The following LRRTM3 variants were observed in gnomAD, a reference collection of about 807,000 sequenced individuals.
The protein encoded by LRRTM3 is leucine-rich repeat transmembrane neuronal protein 3.
Under a neutral mutation model 44.7 loss-of-function variants are expected in LRRTM3, and 24 were observed. The observed-to-expected ratio is 0.54, with a 90% CI of 0.39 to 0.76. LRRTM3 has a LOEUF of 0.76. Ranked by LOEUF, LRRTM3 falls within the 30% of genes least tolerant of loss-of-function variation. The probability of loss-of-function intolerance (pLI) is 0.00; values close to 1 mark genes in which losing one functional copy is unlikely to be tolerated. For missense variants in LRRTM3, 587 were observed against 702.2 expected (o/e 0.84, Z 1.85); for synonymous variants, 277 against 278.7 (o/e 0.99, Z 0.06).
At chr10:66,990,347 C>T (rs1323391843) in intron 2 of LRRTM3, among the ~76,000 whole-genome samples, 1 of 152,156 alleles carries the variant, frequency 6.6e-6, no homozygotes, top group Non-Finnish European at 1.5e-5. Flanking sequence ...AGTTCTTCTC[C>T]TCTATGCTGA....
intron 2 of LRRTM3, among the ~76,000 whole-genome samples, chr10:67,025,039 AG>A (rs1442530764): frequency 6.6e-5 from 10 of 151,030 alleles, no homozygotes; most frequent in Non-Finnish European, 7.4e-5. Flanking sequence ...CTGAGGCAGG[AG>A]AATCACTTGA....
chr10:66,943,566 C>T (rs1005134876), intron 2 of LRRTM3, among the ~76,000 whole-genome samples: 5 of 151,034 alleles, frequency 3.3e-5, no homozygotes, highest in Non-Finnish European at 7.4e-5. Flanking sequence ...TAACACTAAG[C>T]ACAGCCTTAA....
intron 2 of LRRTM3, among the ~76,000 whole-genome samples, chr10:66,940,313 G>C (rs1235782912): frequency 6.6e-6 from 1 of 151,966 alleles, no homozygotes; most frequent in East Asian, 1.9e-4. Flanking sequence ...TGGAAACATA[G>C]CAAGGCCTCA....
intron 2 of LRRTM3, among the ~76,000 whole-genome samples, chr10:67,078,516 T>A (rs1012684347): frequency 2.0e-5 from 3 of 151,596 alleles, no homozygotes; most frequent in South Asian, 4.2e-4. Flanking sequence ...TGATACCTTT[T>A]TTATTATTAT....
Position 67,063,498 on chromosome 10 carries a change from G to A in LRRTM3, c.1537-34089G>A, listed in dbSNP as rs145420893. ...GTCAAGAGTTCACTCCAGCTGGCAC[G>A]AACAGGCAGGTAATAGAGGACCTAC... On this transcript the variant is annotated intron_variant, in intron 2 of 2. Coordinates refer to ENST00000361320, the MANE Select transcript of LRRTM3 (RefSeq NM_178011.5). Among the ~76,000 whole-genome samples the A allele has an allele frequency of 7.5e-3, 1,136 of 152,306 alleles. 15 individuals are homozygous for A. Among genetic ancestry groups the A allele is most frequent in the African/African-American group, 0.021 (858 of 41,552 alleles).
At chr10:66,967,860 T>A in intron 2 of LRRTM3, among the ~76,000 whole-genome samples, 1 of 152,094 alleles carries the variant, frequency 6.6e-6, no homozygotes, top group East Asian at 1.9e-4. Flanking sequence ...AATGAGTAGT[T>A]AATAGGTTCT....
intron 2 of LRRTM3, among the ~76,000 whole-genome samples, chr10:67,072,683 T>C (rs1000974532): frequency 1.3e-5 from 2 of 152,196 alleles, no homozygotes; most frequent in Non-Finnish European, 2.9e-5. Flanking sequence ...GAAAGCCTGG[T>C]ATATCTTTAT....
intron 2 of LRRTM3, among the ~76,000 whole-genome samples, chr10:67,087,083 T>C (rs1417117332): frequency 6.6e-6 from 1 of 152,064 alleles, no homozygotes; most frequent in African/African-American, 2.4e-5. Flanking sequence ...ATAGTTTCAA[T>C]TTAGGTCTCA....
At chr10:67,008,434 G>A (rs1589593996) in intron 2 of LRRTM3, among the ~76,000 whole-genome samples, 1 of 152,084 alleles carries the variant, frequency 6.6e-6, no homozygotes, top group East Asian at 1.9e-4. Context: ...TCACCTCTTA[G>A]TAGGCTGAAA....
intron 2 of LRRTM3, among the ~76,000 whole-genome samples, chr10:66,998,288 C>G (rs1851470791): frequency 6.6e-6 from 1 of 152,142 alleles, no homozygotes; most frequent in Non-Finnish European, 1.5e-5. Flanking sequence ...TTAGCATACA[C>G]TGTTGTTTTA....
At chr10:66,990,350 T>C (rs1850976367) in intron 2 of LRRTM3, among the ~76,000 whole-genome samples, 1 of 152,214 alleles carries the variant, frequency 6.6e-6, no homozygotes, top group Non-Finnish European at 1.5e-5. Flanking sequence ...TCTTCTCCTC[T>C]ATGCTGAATT....
intron 2 of LRRTM3, among the ~76,000 whole-genome samples, chr10:67,057,208 A>G (rs930211909): frequency 2.0e-5 from 3 of 152,200 alleles, no homozygotes; most frequent in African/African-American, 4.8e-5. Context: ...ATGTTTTGAT[A>G]TACATATAAA....
intron 2 of LRRTM3, among the ~76,000 whole-genome samples, chr10:67,023,567 G>A (rs1473330996): frequency 6.6e-6 from 1 of 152,122 alleles, no homozygotes; most frequent in African/African-American, 2.4e-5. Flanking sequence ...CCCAAGCAAA[G>A]TCTAATGCTG....
Position 67,097,631 on chromosome 10 carries a change from G to A in LRRTM3, c.1581G>A (p.Gln527=). Residue 527 remains glutamine, a synonymous_variant, in exon 3 of 3, where the codon CAG becomes CAA. Coordinates refer to ENST00000361320, the MANE Select transcript of LRRTM3 (RefSeq NM_178011.5). ...MNVSTFLAYD[Q]PTISYCGVHH... is the part of the protein sequence containing the mutation. ...TGTCAACCTTTCTGGCATACGACCA[G>A]CCCACAATAAGTTACTGTGGGGTGC... 5 of 1,612,308 alleles carry A rather than the reference G, an allele frequency of 3.1e-6. No individual in the cohort carries two copies. The highest frequency in any genetic ancestry group is 4.2e-6 in the Non-Finnish European group (5 of 1,178,900).
chr10:66,946,125 TCA>T (rs1848261129), intron 2 of LRRTM3, among the ~76,000 whole-genome samples: 1 of 152,118 alleles, frequency 6.6e-6, no homozygotes, highest in Admixed American at 6.6e-5. Context: ...CCACAAAACT[TCA>T]GTTTGTAAAA....
Position 66,971,115 on chromosome 10 carries a change from G to A in LRRTM3, c.1536+42663G>A, listed in dbSNP as rs539399583. On this transcript the variant is annotated intron_variant, in intron 2 of 2. Transcript: ENST00000361320. ...ATTTGGACTTTAATTACACTGGGCA[G>A]CAATGAGGCAGGATAGTGAAGTTAA... Among the ~76,000 whole-genome samples the A allele has an allele frequency of 2.6e-5, 4 of 152,178 alleles. No individual in the cohort carries two copies. The South Asian group carries it at 8.3e-4, about 32-fold the overall frequency.
At chr10:67,097,221 T>G (rs143904324) in intron 2 of LRRTM3, among the ~76,000 whole-genome samples, 1 of 151,996 alleles carries the variant, frequency 6.6e-6, no homozygotes, top group East Asian at 1.9e-4. Flanking sequence ...AATAGGATAA[T>G]TAACACTAAT....
intron 2 of LRRTM3, among the ~76,000 whole-genome samples, chr10:66,976,089 A>G (rs1850012647): frequency 6.6e-6 from 1 of 152,176 alleles, no homozygotes; most frequent in South Asian, 2.1e-4. Context: ...ACTTACTGTT[A>G]GGTGCTAGTA....
intron 2 of LRRTM3, among the ~76,000 whole-genome samples, chr10:66,995,218 G>T (rs2132951952): frequency 6.6e-6 from 1 of 152,214 alleles, no homozygotes; most frequent in African/African-American, 2.4e-5. Flanking sequence ...TCCGTGAATA[G>T]AACCACCATC....
Sources: allele counts gnomAD v4.1 joint callset (sites outside exome capture counted in the v4.1 genomes callset), GRCh38; gene constraint gnomAD v4.1.1; transcripts MANE v1.5; gene names NCBI Gene and HGNC (gene_info 2026-07-23, HGNC 2026-07-21).